SIVA1: variants seen among roughly 807,000 people sequenced by gnomAD.
The protein encoded by SIVA1 is apoptosis regulatory protein Siva.
SIVA1 carries 10 observed loss-of-function variants against 19.7 expected under a neutral mutation model. That is an observed-to-expected ratio of 0.51 (90% confidence interval 0.31 to 0.86). The LOEUF is 0.86. Ranked by LOEUF, SIVA1 falls within the 40% of genes least tolerant of loss-of-function variation. The probability of loss-of-function intolerance (pLI) is 0.04; values close to 1 mark genes in which losing one functional copy is unlikely to be tolerated. For missense variants in SIVA1, 241 were observed against 245.2 expected, an observed-to-expected ratio of 0.98 and a Z score of 0.11; for synonymous variants, 130 against 106.1, an observed-to-expected ratio of 1.23 and a Z score of -1.39.
At chr14:104,754,998 G>A (rs1262039656) in intron 1 of SIVA1, among the ~76,000 whole-genome samples, 1 of 152,228 alleles carries the variant, frequency 6.6e-6, no homozygotes, top group Non-Finnish European at 1.5e-5. Flanking sequence ...AAGCTCCCCA[G>A]GTGACTGAAC....
rs1357907221 is a variant in SIVA1, at chr14:104,753,285, C to T, written c.84C>T (p.Gly28=). 2 of 1,600,732 alleles carry T rather than the reference C, an allele frequency of 1.2e-6. No homozygotes were observed. The highest frequency in any genetic ancestry group is 1.7e-5 in the Admixed American group (1 of 59,106). ...TGAGCCAGAGGGAGTTGAGCCGCGG[C>T]GTGTGCGCCGAGCGCTACTCGCAGG... ...VRVSQRELSR[G]VCAERYSQEV... Residue 28 remains glycine, a synonymous_variant, in exon 1 of 4, where the codon GGC becomes GGT. Coordinates refer to ENST00000329967, the MANE Select transcript of SIVA1 (RefSeq NM_006427.4).
chr14:104,756,188 G>A (rs932209521), intron 2 of SIVA1: 2 of 443,460 alleles, frequency 4.5e-6, no homozygotes, highest in South Asian at 2.1e-5. Flanking sequence ...TGCAATCCCC[G>A]ACTCTACCTC....
intron 1 of SIVA1, among the ~76,000 whole-genome samples, chr14:104,754,703 G>C (rs1033931909): frequency 6.6e-6 from 1 of 152,066 alleles, no homozygotes; most frequent in Non-Finnish European, 1.5e-5. Context: ...TCTTAACCTC[G>C]AATTGTCCAC....
rs1892003931 is a variant in SIVA1, at chr14:104,759,251, GC to G, written c.471-172del. The G allele has an allele frequency of 2.0e-6, 1 of 512,380 alleles. No homozygotes were observed. 31.7% of individuals were successfully genotyped at this position (512,380 alleles called of 1,614,324 possible). On this transcript the variant is annotated intron_variant, in intron 3 of 3. Coordinates refer to ENST00000329967, the MANE Select transcript of SIVA1 (RefSeq NM_006427.4). This position sits in a 1 kb window ranked among gnomAD's most constrained non-coding sequence, Gnocchi z 4.2. ...AGGACGCTGGTCGTGTTGCCTTAGG[GC>G]CCCCATGTCAGTGCCGTCATCTAGA...
At chr14:104,757,212 T>C in intron 3 of SIVA1, 2 of 370,970 alleles carry the variant, frequency 5.4e-6, no homozygotes, top group Non-Finnish European at 1.1e-5. Context: ...TGTGGGTGGG[T>C]TTGCTGCAGC....
At chr14:104,757,372 C>A in intron 3 of SIVA1, 1 of 367,242 alleles carries the variant, frequency 2.7e-6, no homozygotes, top group Non-Finnish European at 5.4e-6. Flanking sequence ...GGAACTGGCT[C>A]CATAGACCCA....
In SIVA1 at chr14:104,755,737, A is replaced by C. The variant is rs1170520794; in HGVS notation, c.226A>C (p.Thr76Pro). 7 of 1,614,068 alleles carry C rather than the reference A, an allele frequency of 4.3e-6. No individual in the cohort carries two copies. Among genetic ancestry groups the C allele is most frequent in the Non-Finnish European group, 5.9e-6 (7 of 1,179,970 alleles). ...GCCAGAGTCCCCAAAGCCTGGCCCTACAGGGGCCCCGAGGGCTGCACGTGG... is the reference window on the plus strand; with the variant it reads ...GCCAGAGTCCCCAAAGCCTGGCCCTCCAGGGGCCCCGAGGGCTGCACGTGG... ...HLPESPKPGP[T>P]GAPRAARGQM... Residue 76 changes from threonine to proline, a missense_variant, in exon 2 of 4, where the codon ACA (threonine) becomes CCA (proline). Coordinates refer to ENST00000329967, the MANE Select transcript of SIVA1 (RefSeq NM_006427.4).
Position 104,753,178 on chromosome 14 carries a change from TG to T in SIVA1, c.-23del, listed in dbSNP as rs779401851. On this transcript the variant is annotated 5_prime_UTR_variant, in exon 1 of 4. Transcript: ENST00000329967. The stretch of plus-strand genomic sequence containing the variant: ...GGTAAGGGGCTGGCGGCCGGGGAGC[TG>T]CGTAGCTCCCGGCCCCGCGGCCATG... 3.2e-4 allele frequency: 477 copies of T among 1,476,540 alleles called. 1 individual carries two copies. The highest frequency in any genetic ancestry group is 1.9e-3 in the South Asian group (162 of 84,260). 91.5% of individuals were successfully genotyped at this position (1,476,540 alleles called of 1,614,324 possible).
chr14:104,757,865 C>G (rs1891948790), intron 3 of SIVA1: 1 of 152,626 alleles, frequency 6.6e-6, no homozygotes, highest in Non-Finnish European at 1.5e-5. Flanking sequence ...TCCCTTGCGC[C>G]CATTTCCTCC....
At chr14:104,753,377 C>T in intron 1 of SIVA1, 58 bp downstream of exon 1, 3 of 1,186,626 alleles carry the variant, frequency 2.5e-6, no homozygotes, top group Non-Finnish European at 3.6e-6. Context: ...ACGGGCCGGG[C>T]CTCAGCGTCC....
At chr14:104,754,934 G>A (rs1566808538) in intron 1 of SIVA1, among the ~76,000 whole-genome samples, 1 of 152,198 alleles carries the variant, frequency 6.6e-6, no homozygotes, top group Non-Finnish European at 1.5e-5. Context: ...ATGGTGAGGT[G>A]CAAAACAAAA....
intron 1 of SIVA1, chr14:104,753,931 T>A: frequency 2.9e-6 from 1 of 347,594 alleles, no homozygotes; most frequent in Non-Finnish European, 6.1e-6. Context: ...GAAGGCTTCT[T>A]GGAAGAACAG....
At chr14:104,755,538 G>C (rs1891855122) in intron 1 of SIVA1, 92 bp from the exon 2 acceptor site, 2 of 1,150,248 alleles carry the variant, frequency 1.7e-6, no homozygotes, top group Non-Finnish European at 2.6e-6. Context: ...GGAGGACGAT[G>C]GGGTTCATGT....
At position 104,759,350 on chromosome 14, in the gene SIVA1, G is replaced by A. The variant is rs1182474946; in HGVS notation, c.471-78G>A. On this transcript the variant is annotated intron_variant, in intron 3 of 3. Transcript: ENST00000329967. This position sits in a 1 kb window ranked among gnomAD's most constrained non-coding sequence, Gnocchi z 4.2. Reference sequence around the variant, plus strand: ...AGGTGTTCTGGGTTAGGACTTTGACGTTTGAATGGTGGGGGGTGGTGGACA... The same window carrying A: ...AGGTGTTCTGGGTTAGGACTTTGACATTTGAATGGTGGGGGGTGGTGGACA... 14 of 1,266,012 alleles carry A rather than the reference G, an allele frequency of 1.1e-5. No homozygotes were observed. Among genetic ancestry groups the A allele is most frequent in the Middle Eastern group, 1.8e-4 (1 of 5,454 alleles). 78.4% of individuals were successfully genotyped at this position (1,266,012 alleles called of 1,614,324 possible).
At chr14:104,753,628 G>A (rs1047775101) in intron 1 of SIVA1, 3 of 463,088 alleles carry the variant, frequency 6.5e-6, no homozygotes, top group Non-Finnish European at 1.2e-5. Context: ...AGCGGCACCC[G>A]CCTGGTGCTT....
At position 104,759,397 on chromosome 14, in the gene SIVA1, CTT is replaced by C; in HGVS notation, c.471-28_471-27del. 1 of 1,605,484 alleles carries C rather than the reference CTT, an allele frequency of 6.2e-7. No homozygotes were observed. Among genetic ancestry groups the C allele is most frequent in the Non-Finnish European group, 8.5e-7 (1 of 1,174,320 alleles). On this transcript the variant is annotated intron_variant, in intron 3 of 3. Transcript: ENST00000329967. This position sits in a 1 kb window ranked among gnomAD's most constrained non-coding sequence, Gnocchi z 4.2. Reference sequence around the variant, plus strand: ...GACACAATTCAGCCCCTGACAGCAGCTTTTCTCTCCCCTCCCTGACGCTGTCG... The same window carrying C: ...GACACAATTCAGCCCCTGACAGCAGCTTCTCTCCCCTCCCTGACGCTGTCG...
chr14:104,759,372 G>C lies in SIVA1; in HGVS notation c.471-56G>C. ...GACGTTTGAATGGTGGGGGGTGGTG[G>C]ACACAATTCAGCCCCTGACAGCAGC... On this transcript the variant is annotated intron_variant, in intron 3 of 3. Transcript: ENST00000329967. The surrounding 1 kb of genome is among the most constrained non-coding windows in gnomAD (Gnocchi z 4.2). 1 of 1,477,346 alleles carries C rather than the reference G, an allele frequency of 6.8e-7. No homozygotes were observed. Among genetic ancestry groups the C allele is most frequent in the Non-Finnish European group, 9.4e-7 (1 of 1,065,588 alleles). 91.5% of individuals were successfully genotyped at this position (1,477,346 alleles called of 1,614,324 possible).
intron 3 of SIVA1, 168 bp downstream of exon 3, chr14:104,756,928 CT>C: frequency 1.4e-6 from 1 of 733,260 alleles, no homozygotes. Flanking sequence ...CTTGGCCCAA[CT>C]TTAGTGGTTA....
Position 104,759,421 on chromosome 14 carries a change from G to A in SIVA1, c.471-7G>A, listed in dbSNP as rs755823032. The A allele has an allele frequency of 1.2e-6, 2 of 1,612,880 alleles. No individual in the cohort carries two copies. The highest frequency in any genetic ancestry group is 1.7e-6 in the Non-Finnish European group (2 of 1,179,384). On this transcript the variant is annotated splice_polypyrimidine_tract_variant and splice_region_variant and intron_variant, in intron 3 of 3. Coordinates refer to ENST00000329967, the MANE Select transcript of SIVA1 (RefSeq NM_006427.4). This position sits in a 1 kb window ranked among gnomAD's most constrained non-coding sequence, Gnocchi z 4.2. ...GCTTTTCTCTCCCCTCCCTGACGCT[G>A]TCGCAGCTGCAGTGACATGTACGAG...
Sources: allele counts gnomAD v4.1 joint callset (sites outside exome capture counted in the v4.1 genomes callset), GRCh38; gene constraint gnomAD v4.1.1; non-coding constraint Gnocchi (gnomAD v3.1); transcripts MANE v1.5; gene names NCBI Gene and HGNC (gene_info 2026-07-23, HGNC 2026-07-21).